Variants in NSG2 observed in about 807,000 individuals in gnomAD.
NSG2 encodes the protein neuronal vesicle trafficking associated 2, also known as neuronal vesicle trafficking-associated protein 2.
Under a neutral mutation model 16.9 loss-of-function variants are expected in NSG2, and 4 were observed. That is an observed-to-expected ratio of 0.24 (90% confidence interval 0.12 to 0.54). The LOEUF (loss-of-function observed/expected upper bound fraction) is 0.54. NSG2 is among the 20% of genes least tolerant of loss of function. The pLI is 0.95. For synonymous variants in NSG2, 98 were observed against 88.7 expected, an observed-to-expected ratio of 1.11 and a Z score of -0.59; for missense variants, 179 against 221.1, an observed-to-expected ratio of 0.81 and a Z score of 1.21.
intron 3 of NSG2, among the ~76,000 whole-genome samples, chr5:174,103,894 G>A (rs990948090): frequency 6.6e-6 from 1 of 152,192 alleles, no homozygotes; most frequent in African/African-American, 2.4e-5. Context: ...GAACCTGGGA[G>A]GTGAAGGTTG....
At chr5:174,101,218 A>AT (rs1388549723) in intron 3 of NSG2, among the ~76,000 whole-genome samples, 1 of 152,206 alleles carries the variant, frequency 6.6e-6, no homozygotes, top group African/African-American at 2.4e-5. Context: ...CCACTTAGGA[A>AT]ATTGGCTCCC....
intron 4 of NSG2, among the ~76,000 whole-genome samples, chr5:174,105,434 G>C (rs1477777719): frequency 6.6e-6 from 1 of 152,160 alleles, no homozygotes; most frequent in Non-Finnish European, 1.5e-5. Flanking sequence ...TATATCAAAA[G>C]TCTTGGCTCC....
chr5:174,055,542 G>C (rs1439632053), intron 2 of NSG2, among the ~76,000 whole-genome samples: 2 of 152,120 alleles, frequency 1.3e-5, no homozygotes, highest in East Asian at 1.9e-4. Flanking sequence ...AGCTTGCAGT[G>C]AGCCAAGATA....
intron 2 of NSG2, among the ~76,000 whole-genome samples, chr5:174,063,211 G>A (rs773011497): frequency 2.6e-4 from 40 of 152,202 alleles, no homozygotes; most frequent in Non-Finnish European, 4.3e-4. Flanking sequence ...ATGAGACCCT[G>A]AGGCTTAGAC....
At chr5:174,075,390 G>A (rs979973930) in intron 3 of NSG2, among the ~76,000 whole-genome samples, 4 of 152,090 alleles carry the variant, frequency 2.6e-5, no homozygotes, top group Non-Finnish European at 5.9e-5. Flanking sequence ...CTTCCAAATT[G>A]GGAAACCCTG....
intron 3 of NSG2, among the ~76,000 whole-genome samples, chr5:174,088,857 G>A (rs1029662555): frequency 4.6e-5 from 7 of 152,208 alleles, no homozygotes; most frequent in Non-Finnish European, 8.8e-5. Flanking sequence ...CTGGCTTCAG[G>A]ACAAAGCTGA....
chr5:174,101,745 C>G (rs949046181), intron 3 of NSG2, among the ~76,000 whole-genome samples: 1 of 152,170 alleles, frequency 6.6e-6, no homozygotes, highest in South Asian at 2.1e-4. Flanking sequence ...GAAATCTGAG[C>G]ATTTAAAATT....
chr5:174,052,899 TCTG>T (rs1406359705), intron 2 of NSG2, among the ~76,000 whole-genome samples: 1 of 152,210 alleles, frequency 6.6e-6, no homozygotes, highest in Admixed American at 6.5e-5. Context: ...AATCGGCAAG[TCTG>T]CTGCTGCGCT....
Position 174,107,541 on chromosome 5 carries a change from G to A in NSG2, c.*36G>A, listed in dbSNP as rs199616688. 3.2e-6 allele frequency: 5 copies of A among 1,568,330 alleles called. No homozygotes were observed. In the East Asian group the frequency reaches 9.2e-5, roughly 29 times the overall value. On this transcript the variant is annotated 3_prime_UTR_variant, in exon 5 of 5. Transcript: ENST00000303177. The surrounding 1 kb of genome is among the most constrained non-coding windows in gnomAD (Gnocchi z 4.5). ...CAGCCAGAATGGGGGGCGGGGTGGA[G>A]AGGAGGACCCCCATTGGCTAAGCCA...
At position 174,109,060 on chromosome 5, in the gene NSG2, C is replaced by A. The variant is rs934730294; in HGVS notation, c.*1555C>A. On this transcript the variant is annotated 3_prime_UTR_variant, in exon 5 of 5. Coordinates refer to ENST00000303177, the MANE Select transcript of NSG2 (RefSeq NM_015980.5). ...TAACAAGTTGTCCCTAGCAAAACCG[C>A]TGAGCGCTTTATAATTTTGTGGTGT... 6.5e-6 allele frequency: 1 copy of A among 152,732 alleles called. No individual in the cohort carries two copies. The highest frequency in any genetic ancestry group is 1.5e-5 in the Non-Finnish European group (1 of 68,040). 9.5% of individuals were successfully genotyped at this position (152,732 alleles called of 1,614,324 possible). A position where few individuals can be genotyped will look rare whatever the true frequency, so the allele number is the denominator to read the frequency against.
chr5:174,101,734 G>A (rs147267971), intron 3 of NSG2, among the ~76,000 whole-genome samples: 15 of 152,240 alleles, frequency 9.9e-5, no homozygotes, highest in Non-Finnish European at 1.6e-4. Context: ...TTGGCTATTG[G>A]GAAATCTGAG....
At chr5:174,103,117 C>G (rs1290227080) in intron 3 of NSG2, among the ~76,000 whole-genome samples, 1 of 151,816 alleles carries the variant, frequency 6.6e-6, no homozygotes, top group East Asian at 1.9e-4. Flanking sequence ...TTACAAAGCT[C>G]TCTCTGGTTG....
chr5:174,108,809 T>C lies in NSG2; in HGVS notation c.*1304T>C, dbSNP rs1326216933. 1 of 152,708 alleles carries C rather than the reference T, an allele frequency of 6.5e-6. No homozygotes were observed. Among genetic ancestry groups the C allele is most frequent in the African/African-American group, 2.4e-5 (1 of 41,456 alleles). The allele number at this position is 152,708 out of a possible 1,614,324, so 9.5% of individuals were successfully genotyped here. A position where few individuals can be genotyped will look rare whatever the true frequency, so the allele number is the denominator to read the frequency against. On this transcript the variant is annotated 3_prime_UTR_variant, in exon 5 of 5. Coordinates refer to ENST00000303177, the MANE Select transcript of NSG2 (RefSeq NM_015980.5). ...CAGAACCAGCTGGGAGAATTGGTTATTTGAGATGTGGTACTGCTTCCTCAC... is the reference window on the plus strand; with the variant it reads ...CAGAACCAGCTGGGAGAATTGGTTACTTGAGATGTGGTACTGCTTCCTCAC...
intron 2 of NSG2, among the ~76,000 whole-genome samples, chr5:174,055,100 C>CA (rs1176922404): frequency 3.3e-5 from 5 of 152,170 alleles, no homozygotes; most frequent in Non-Finnish European, 5.9e-5. Context: ...AGGGCTACCC[C>CA]AGGCAGCAAG....
At chr5:174,104,185 TG>T in intron 3 of NSG2, 42 bp from the exon 4 acceptor site, 1 of 1,416,090 alleles carries the variant, frequency 7.1e-7, no homozygotes, top group Non-Finnish European at 1.0e-6. Context: ...GGACTGAAGG[TG>T]GGCAGACTGA....
intron 3 of NSG2, among the ~76,000 whole-genome samples, chr5:174,080,554 T>TCTCTCTCTCTCTCTCTC (rs1398255846): frequency 2.7e-5 from 4 of 146,074 alleles, no homozygotes; most frequent in African/African-American, 7.7e-5. Context: ...TCTCTCTTTC[T>TCTCTCTCTCTCTCTCTC]TTTCTTTCTT....
At chr5:174,073,725 TG>T (rs920650180) in intron 3 of NSG2, among the ~76,000 whole-genome samples, 1 of 152,188 alleles carries the variant, frequency 6.6e-6, no homozygotes, top group African/African-American at 2.4e-5. Context: ...AGGAGGAATG[TG>T]CATAGGGTTT....
At chr5:174,062,933 A>T (rs911008776) in intron 2 of NSG2, among the ~76,000 whole-genome samples, 16 of 152,174 alleles carry the variant, frequency 1.1e-4, no homozygotes, top group African/African-American at 3.6e-4. Flanking sequence ...TTGAGCCATA[A>T]TGGGAAGTAG....
intron 2 of NSG2, among the ~76,000 whole-genome samples, chr5:174,057,376 G>A (rs184536572): frequency 2.0e-5 from 3 of 152,204 alleles, no homozygotes; most frequent in Admixed American, 6.5e-5. Flanking sequence ...AATTAATAAC[G>A]ATTGGCTAAC....
Sources: gnomAD v4.1 joint callset for allele counts (sites outside exome capture counted in the v4.1 genomes callset) on GRCh38, gnomAD v4.1.1 for gene constraint, Gnocchi (gnomAD v3.1) non-coding constraint, MANE v1.5 for transcripts, NCBI Gene and HGNC (gene_info 2026-07-23, HGNC 2026-07-21) for gene names.